ZBTB16: variants seen among roughly 807,000 people sequenced by gnomAD.
ZBTB16 encodes zinc finger and BTB domain containing 16, also known as zinc finger and BTB domain-containing protein 16.
Under a neutral mutation model 56.8 loss-of-function variants are expected in ZBTB16, and 8 were observed. The observed-to-expected ratio is 0.14, with a 90% CI of 0.08 to 0.25. The LOEUF (loss-of-function observed/expected upper bound fraction) is 0.25, where lower values mean the gene tolerates loss of function less well. Ranked by LOEUF, ZBTB16 falls within the 10% of genes least tolerant of loss-of-function variation. The pLI, the probability that ZBTB16 is intolerant of heterozygous loss-of-function variation, is 1.00. For missense variants in ZBTB16, 625 were observed against 903.0 expected (o/e 0.69, Z 3.95); for synonymous variants, 363 against 368.5 (o/e 0.98, Z 0.17).
Position 114,156,347 on chromosome 11 carries a change from A to G in ZBTB16, c.1279A>G (p.Ser427Gly), listed in dbSNP as rs371953230. ...EAVEQHRKLH[S>G]GMKTYGCELC... is the part of the protein sequence containing the mutation. ...TCCTTTCCCTTACAGGAAGCTGCACAGTGGGATGAAGACGTACGGGTGCGA... is the reference window on the plus strand; with the variant it reads ...TCCTTTCCCTTACAGGAAGCTGCACGGTGGGATGAAGACGTACGGGTGCGA... Residue 427 changes from serine to glycine, a missense_variant, in exon 3 of 7, where the codon AGT (serine) becomes GGT (glycine). By Grantham distance (56) the Ser-to-Gly change is moderately conservative. Transcript: ENST00000335953. 6.2e-7 allele frequency: 1 copy of G among 1,614,244 alleles called. No individual in the cohort carries two copies. Among genetic ancestry groups the G allele is most frequent in the South Asian group, 1.1e-5 (1 of 91,088 alleles).
chr11:114,140,338 T>C lies in ZBTB16; in HGVS notation c.1269-15999T>C, dbSNP rs7131242. ...TCAGGACCTGACGTGCACATGTAAG[T>C]ACTGGTTTCTCTTATAGTGTGTATT... On this transcript the variant is annotated intron_variant, in intron 2 of 6. Transcript: ENST00000335953. Among the ~76,000 whole-genome samples the C allele has an allele frequency of 5.8e-3, 888 of 152,360 alleles. 9 individuals carry two copies. Among genetic ancestry groups the C allele is most frequent in the African/African-American group, 0.02 (840 of 41,576 alleles).
At chr11:114,134,832 T>C (rs2134872837) in intron 2 of ZBTB16, among the ~76,000 whole-genome samples, 1 of 152,268 alleles carries the variant, frequency 6.6e-6, no homozygotes, top group South Asian at 2.1e-4. Context: ...GAGAAAAACT[T>C]TAATTAAGTG....
chr11:114,091,600 T>TCCTCCCTC (rs61335253), intron 2 of ZBTB16, among the ~76,000 whole-genome samples: 12 of 147,864 alleles, frequency 8.1e-5, no homozygotes, highest in African/African-American at 2.0e-4. Context: ...AATCTTTTGT[T>TCCTCCCTC]CCTCCCTCCC....
chr11:114,195,648 G>C (rs1387632530), intron 4 of ZBTB16, among the ~76,000 whole-genome samples: 1 of 152,184 alleles, frequency 6.6e-6, no homozygotes, highest in Non-Finnish European at 1.5e-5. Flanking sequence ...CCCAGAACTT[G>C]GGATCTGGTG....
Position 114,063,660 on chromosome 11 carries a change from G to A in ZBTB16, c.360G>A (p.Lys120=), listed in dbSNP as rs1938975227. 1 of 1,614,022 alleles carries A rather than the reference G, an allele frequency of 6.2e-7. No homozygotes were observed. Among genetic ancestry groups the A allele is most frequent in the Non-Finnish European group, 8.5e-7 (1 of 1,180,036 alleles). Residue 120 remains lysine, a synonymous_variant, in exon 2 of 7, where the codon AAG becomes AAA. Coordinates refer to ENST00000335953, the MANE Select transcript of ZBTB16 (RefSeq NM_006006.6). This position sits in a 1 kb window ranked among gnomAD's most constrained non-coding sequence, Gnocchi z 6.5. ...AGTACCTGGAGGAACAGTGCCTGAA[G>A]ATGCTGGAGACCATCCAGGCCTCAG... is the stretch of plus-strand genomic sequence containing the variant. The part of the protein sequence containing the change: ...EIEYLEEQCL[K]MLETIQASDD...
chr11:114,112,147 GCCTTTT>G (rs1321807294), intron 2 of ZBTB16, among the ~76,000 whole-genome samples: 1 of 152,058 alleles, frequency 6.6e-6, no homozygotes, highest in African/African-American at 2.4e-5. Flanking sequence ...TCGGATTTTT[GCCTTTT>G]CCTTGCACAT....
intron 3 of ZBTB16, chr11:114,180,634 A>C (rs1943226606): frequency 6.6e-6 from 1 of 152,260 alleles, no homozygotes; most frequent in South Asian, 2.1e-4. Context: ...CGGAGTGTGC[A>C]GAATAAGGAC....
chr11:114,063,175 C>A lies in ZBTB16; in HGVS notation c.-90-36C>A. Reference sequence around the variant, plus strand: ...CTGATGAATTTGTCTTTTGTTCTCTCATCTCTTTTGCTTCTTCCCCTCTTC... The same window carrying A: ...CTGATGAATTTGTCTTTTGTTCTCTAATCTCTTTTGCTTCTTCCCCTCTTC... On this transcript the variant is annotated intron_variant, in intron 1 of 6. Transcript: ENST00000335953. The surrounding 1 kb of genome is among the most constrained non-coding windows in gnomAD (Gnocchi z 6.5). 1 of 1,052,354 alleles carries A rather than the reference C, an allele frequency of 9.5e-7. No individual in the cohort carries two copies. Among genetic ancestry groups the A allele is most frequent in the Non-Finnish European group, 1.4e-6 (1 of 713,086 alleles). 65.2% of individuals were successfully genotyped at this position (1,052,354 alleles called of 1,614,324 possible).
intron 6 of ZBTB16, among the ~76,000 whole-genome samples, chr11:114,249,592 C>T (rs564883832): frequency 5.6e-5 from 8 of 143,518 alleles, no homozygotes; most frequent in African/African-American, 2.1e-4. Flanking sequence ...GGTGAAACCC[C>T]GTCTCTACTA....
At chr11:114,132,802 C>T (rs1941701029) in intron 2 of ZBTB16, among the ~76,000 whole-genome samples, 1 of 152,046 alleles carries the variant, frequency 6.6e-6, no homozygotes, top group African/African-American at 2.4e-5. Context: ...TGCTTGCTAG[C>T]CGAAATGCTA....
intron 2 of ZBTB16, among the ~76,000 whole-genome samples, chr11:114,106,200 G>A (rs552151449): frequency 7.9e-4 from 120 of 152,162 alleles, no homozygotes; most frequent in African/African-American, 2.8e-3. Flanking sequence ...ACAGCAGCAC[G>A]ACAGCCGCAG....
chr11:114,244,521 A>G (rs1406353391), intron 5 of ZBTB16, among the ~76,000 whole-genome samples: 1 of 152,168 alleles, frequency 6.6e-6, no homozygotes, highest in Admixed American at 6.5e-5. Context: ...TTTTGTGTAC[A>G]TTATGGCCAC....
At chr11:114,201,610 A>C (rs1015132160) in intron 4 of ZBTB16, among the ~76,000 whole-genome samples, 4 of 152,210 alleles carry the variant, frequency 2.6e-5, no homozygotes, top group Non-Finnish European at 2.9e-5. Context: ...CTAAATATCC[A>C]AAAGTAAGGA....
chr11:114,167,423 CTT>C (rs11291386), intron 3 of ZBTB16, among the ~76,000 whole-genome samples: 12,426 of 126,918 alleles, frequency 0.098, 1,377 homozygotes, highest in African/African-American at 0.29. Context: ...CTACCCCTTG[CTT>C]TTTTTTTTTT....
chr11:114,193,578 C>G (rs1314058420), intron 4 of ZBTB16, among the ~76,000 whole-genome samples: 1 of 152,134 alleles, frequency 6.6e-6, no homozygotes, highest in Non-Finnish European at 1.5e-5. Context: ...TTTTAGTTCC[C>G]CTAATAATCA....
At chr11:114,234,555 A>T (rs148179562) in intron 4 of ZBTB16, among the ~76,000 whole-genome samples, 1 of 152,300 alleles carries the variant, frequency 6.6e-6, no homozygotes, top group Non-Finnish European at 1.5e-5. Context: ...ATCCCTAATG[A>T]TCCTGAAACT....
Position 114,239,121 on chromosome 11 carries a change from G to A in ZBTB16, c.1454-3046G>A, listed in dbSNP as rs149528731. Among the ~76,000 whole-genome samples, 911 of 152,268 alleles carry A rather than the reference G, an allele frequency of 6.0e-3. 8 individuals are homozygous for A. Among genetic ancestry groups the A allele is most frequent in the African/African-American group, 0.021 (860 of 41,558 alleles). On this transcript the variant is annotated intron_variant, in intron 4 of 6. Transcript: ENST00000335953. Reference sequence around the variant, plus strand: ...AGGGACAGCATAGTGGGGCAGTATCGAGGGGCCTTGGAAAGGCCAAGGGGG... The same window carrying A: ...AGGGACAGCATAGTGGGGCAGTATCAAGGGGCCTTGGAAAGGCCAAGGGGG...
rs577636506 is a variant in ZBTB16 at position 114,253,420 on chromosome 11, A to G, written c.*2865A>G. ...TGAATAGGAAGACAAAAGACAAAAA[A>G]AAATCCACCACCACCAAAATATCCC... On this transcript the variant is annotated 3_prime_UTR_variant, in exon 7 of 7. Coordinates refer to ENST00000335953, the MANE Select transcript of ZBTB16 (RefSeq NM_006006.6). Among the ~76,000 whole-genome samples the G allele has an allele frequency of 1.3e-5, 2 of 152,150 alleles. No homozygotes were observed. The highest frequency in any genetic ancestry group is 6.5e-5 in the Admixed American group (1 of 15,280).
chr11:114,131,259 G>A (rs909384772), intron 2 of ZBTB16, among the ~76,000 whole-genome samples: 3 of 152,122 alleles, frequency 2.0e-5, no homozygotes, highest in Non-Finnish European at 4.4e-5. Flanking sequence ...ATTTCCTATC[G>A]TGAACAGGAC....
Sources: gnomAD v4.1 joint callset for allele counts (sites outside exome capture counted in the v4.1 genomes callset) on GRCh38, gnomAD v4.1.1 for gene constraint, Gnocchi (gnomAD v3.1) non-coding constraint, MANE v1.5 for transcripts, NCBI Gene and HGNC (gene_info 2026-07-23, HGNC 2026-07-21) for gene names.